Variants in RNGTT observed in about 807,000 individuals in gnomAD.
RNGTT encodes RNA guanylyltransferase and 5'-phosphatase.
RNGTT carries 33 observed loss-of-function variants against 79.3 expected under a neutral mutation model. The observed-to-expected ratio is 0.42, with a 90% confidence interval of 0.32 to 0.56. RNGTT has a LOEUF of 0.56. Among genes scored for constraint, RNGTT ranks in the 20% least tolerant of loss-of-function variants. The pLI is 0.17. For missense variants in RNGTT, 497 were observed against 739.1 expected, an observed-to-expected ratio of 0.67 and a Z score of 3.80; for synonymous variants, 222 against 235.9, an observed-to-expected ratio of 0.94 and a Z score of 0.54.
intron 11 of RNGTT, among the ~76,000 whole-genome samples, chr6:88,821,074 T>A (rs890195317): frequency 5.3e-5 from 8 of 152,036 alleles, no homozygotes; most frequent in Non-Finnish European, 2.9e-5. Flanking sequence ...GCTACAGTAA[T>A]CAAGACAGTA....
chr6:88,737,601 G>A (rs1777330363), intron 13 of RNGTT, among the ~76,000 whole-genome samples: 1 of 152,054 alleles, frequency 6.6e-6, no homozygotes, highest in Admixed American at 6.6e-5. Flanking sequence ...ACAAGGGTGG[G>A]GTCCTGATAC....
At chr6:88,856,121 T>C (rs1010994388) in intron 8 of RNGTT, among the ~76,000 whole-genome samples, 1 of 152,194 alleles carries the variant, frequency 6.6e-6, no homozygotes, top group Admixed American at 6.5e-5. Flanking sequence ...TTTAAAGTTA[T>C]GATAAAATAT....
chr6:88,738,977 T>C (rs563003425), intron 13 of RNGTT, among the ~76,000 whole-genome samples: 1 of 152,196 alleles, frequency 6.6e-6, no homozygotes, highest in South Asian at 2.1e-4. Flanking sequence ...TAATTATATC[T>C]TAAAATTATT....
chr6:88,932,374 T>C (rs1012030273), intron 2 of RNGTT, among the ~76,000 whole-genome samples: 8 of 152,212 alleles, frequency 5.3e-5, no homozygotes, highest in African/African-American at 1.9e-4. Flanking sequence ...AGTTTCGCCC[T>C]GACCTTGTGA....
intron 8 of RNGTT, among the ~76,000 whole-genome samples, chr6:88,884,170 C>A (rs1368192514): frequency 6.6e-6 from 1 of 152,132 alleles, no homozygotes; most frequent in Non-Finnish European, 1.5e-5. Flanking sequence ...GTTAGACTTT[C>A]AACAATATGG....
chr6:88,886,769 C>T (rs1216656962), intron 8 of RNGTT, among the ~76,000 whole-genome samples: 4 of 152,138 alleles, frequency 2.6e-5, no homozygotes, highest in African/African-American at 4.8e-5. Flanking sequence ...GTGGCTTAGT[C>T]TCCATCAATT....
At chr6:88,631,420 C>A (rs748259951) in intron 14 of RNGTT, among the ~76,000 whole-genome samples, 1 of 152,204 alleles carries the variant, frequency 6.6e-6, no homozygotes, top group African/African-American at 2.4e-5. Flanking sequence ...ATGTTCCCTA[C>A]TGCATGCAGT....
intron 13 of RNGTT, among the ~76,000 whole-genome samples, chr6:88,736,647 T>G (rs9344850): frequency 0.13 from 19,792 of 152,248 alleles, 1,460 homozygotes; most frequent in Middle Eastern, 0.23. Context: ...TGGCAAATTC[T>G]GTCTGTTCAT....
intron 5 of RNGTT, 57 bp from the exon 6 acceptor site, chr6:88,905,012 T>C: frequency 3.2e-6 from 5 of 1,571,084 alleles, no homozygotes; most frequent in Non-Finnish European, 4.3e-6. Context: ...TGCAGGCTTA[T>C]CAAAAACTCA....
At chr6:88,933,386 T>C (rs1209087962) in intron 2 of RNGTT, among the ~76,000 whole-genome samples, 1 of 152,206 alleles carries the variant, frequency 6.6e-6, no homozygotes, top group Non-Finnish European at 1.5e-5. Context: ...ATGTTTGCAC[T>C]AACCAACCTC....
chr6:88,854,295 A>G (rs376530322), intron 8 of RNGTT, among the ~76,000 whole-genome samples: 4 of 152,120 alleles, frequency 2.6e-5, no homozygotes, highest in African/African-American at 7.2e-5. Context: ...GGGAATTCTA[A>G]GTTTTTTATG....
rs200794716 is a variant in RNGTT at position 88,943,564 on chromosome 6, G to GA, written c.65-2385dup. On this transcript the variant is annotated intron_variant, in intron 1 of 15. Coordinates refer to ENST00000369485, the MANE Select transcript of RNGTT (RefSeq NM_003800.5). ...GCGCACGGATTACATTAGTGAAAAG[G>GA]AAAAAAAAAACACACACACAAACAA... 1.0e-3 allele frequency among the ~76,000 whole-genome samples: 144 copies of GA among 143,028 alleles called. 1 individual carries two copies. The East Asian group carries it at 0.017, about 17-fold the overall frequency. The allele number at this position is 143,028 out of a possible 152,430, so 93.8% of individuals were successfully genotyped here.
intron 13 of RNGTT, among the ~76,000 whole-genome samples, chr6:88,708,566 G>A (rs1010569979): frequency 6.6e-6 from 1 of 152,032 alleles, no homozygotes; most frequent in African/African-American, 2.4e-5. Flanking sequence ...CTTTAGGGCT[G>A]GTGCCAGGCC....
At chr6:88,906,209 T>C (rs1783648808) in intron 5 of RNGTT, among the ~76,000 whole-genome samples, 156 bp downstream of exon 5, 1 of 151,990 alleles carries the variant, frequency 6.6e-6, no homozygotes, top group Non-Finnish European at 1.5e-5. Flanking sequence ...CAAGTAATGG[T>C]AGTATAAAGA....
chr6:88,923,955 G>A (rs1276134642), intron 4 of RNGTT, among the ~76,000 whole-genome samples: 1 of 152,244 alleles, frequency 6.6e-6, no homozygotes, highest in Non-Finnish European at 1.5e-5. Context: ...ATGGCACAGA[G>A]CAACGTGCCC....
intron 11 of RNGTT, among the ~76,000 whole-genome samples, chr6:88,815,723 T>C (rs1780293462): frequency 6.6e-6 from 1 of 152,206 alleles, no homozygotes; most frequent in Admixed American, 6.5e-5. Context: ...GATGCGATAG[T>C]TGCCTTCTCT....
At chr6:88,712,462 T>C (rs1405722574) in intron 13 of RNGTT, among the ~76,000 whole-genome samples, 2 of 152,136 alleles carry the variant, frequency 1.3e-5, no homozygotes, top group African/African-American at 4.8e-5. Flanking sequence ...CATATCACCA[T>C]GTCCAGCTAA....
At chr6:88,921,128 T>C (rs1049753945) in intron 4 of RNGTT, among the ~76,000 whole-genome samples, 25 of 152,300 alleles carry the variant, frequency 1.6e-4, no homozygotes, top group Admixed American at 8.5e-4. Context: ...CCTGCTTTTA[T>C]AGTACTTTCA....
intron 13 of RNGTT, among the ~76,000 whole-genome samples, chr6:88,768,585 G>A (rs1324785068): frequency 6.6e-6 from 1 of 152,098 alleles, no homozygotes; most frequent in East Asian, 1.9e-4. Context: ...TGTTCCATCA[G>A]CTAGCAAAAA....
Sources: allele counts gnomAD v4.1 joint callset (sites outside exome capture counted in the v4.1 genomes callset), GRCh38; gene constraint gnomAD v4.1.1; transcripts MANE v1.5; gene names NCBI Gene and HGNC (gene_info 2026-07-23, HGNC 2026-07-21).